The following RNF144A variants were observed in gnomAD, a reference collection of about 807,000 sequenced individuals.
RNF144A encodes ring finger protein 144A.
In RNF144A, 11 loss-of-function variants were observed where a neutral mutation model predicts 38.7. The observed-to-expected ratio is 0.28, with a 90% confidence interval of 0.18 to 0.47. RNF144A has a LOEUF of 0.47. Ranked by LOEUF, RNF144A falls within the 20% of genes least tolerant of loss-of-function variation. The pLI, the probability that RNF144A is intolerant of heterozygous loss-of-function variation, is 0.99. For synonymous variants in RNF144A, 149 were observed against 143.9 expected, an observed-to-expected ratio of 1.04 and a Z score of -0.25; for missense variants, 316 against 377.2, an observed-to-expected ratio of 0.84 and a Z score of 1.34.
chr2:7,058,278 C>A (rs968495746), intron 6 of RNF144A, among the ~76,000 whole-genome samples: 5 of 145,584 alleles, frequency 3.4e-5, no homozygotes, highest in Admixed American at 7.1e-5. Context: ...CCCCAAGCCA[C>A]GAGGGTAACA....
At chr2:7,053,598 G>A (rs2103474846) in intron 6 of RNF144A, among the ~76,000 whole-genome samples, 1 of 152,362 alleles carries the variant, frequency 6.6e-6, no homozygotes, top group East Asian at 1.9e-4. Context: ...ACAGTTCCAT[G>A]CCATGTGGGT....
At chr2:7,038,486 T>C (rs1348868290) in intron 8 of RNF144A, among the ~76,000 whole-genome samples, 1 of 152,180 alleles carries the variant, frequency 6.6e-6, no homozygotes, top group Non-Finnish European at 1.5e-5. Context: ...ACCTCTGTAT[T>C]TGCAGTGTCA....
rs77504185 is a variant in RNF144A, at chr2:6,942,250, G to A, written c.-12+1103G>A. Among the ~76,000 whole-genome samples, 586 of 152,236 alleles carry A rather than the reference G, an allele frequency of 3.8e-3. 6 individuals carry two copies. Among genetic ancestry groups the A allele is most frequent in the African/African-American group, 0.013 (538 of 41,540 alleles). On this transcript the variant is annotated intron_variant, in intron 2 of 8. Coordinates refer to ENST00000320892, the MANE Select transcript of RNF144A (RefSeq NM_014746.6). ...GGTAGAGGACAAGGCTAGAATCCAG[G>A]AGACCATCTCAGAGGACGTTAGAAA...
At chr2:7,014,205 C>T (rs183955236) in intron 3 of RNF144A, among the ~76,000 whole-genome samples, 2 of 152,274 alleles carry the variant, frequency 1.3e-5, no homozygotes, top group African/African-American at 4.8e-5. Context: ...GGTTTTGTGC[C>T]GGGATCTAAC....
chr2:6,969,371 A>G (rs967322491), intron 2 of RNF144A, among the ~76,000 whole-genome samples: 1 of 152,132 alleles, frequency 6.6e-6, no homozygotes, highest in Non-Finnish European at 1.5e-5. Flanking sequence ...ACAGAGATAC[A>G]CATAGAAGGA....
rs556168648 is a variant in RNF144A at position 7,043,754 on chromosome 2, C to G, written c.*3994C>G. On this transcript the variant is annotated 3_prime_UTR_variant, in exon 9 of 9. Transcript: ENST00000320892. ...CACCCTTCCTTTGATTTGTGCAATT[C>G]TGTCTTCCACAGTTCCGGAGCCTTC... is the stretch of plus-strand genomic sequence containing the variant. 1.0e-5 allele frequency: 10 copies of G among 985,874 alleles called. No individual in the cohort carries two copies. The African/African-American group carries it at 1.6e-4, about 15-fold the overall frequency. The allele number at this position is 985,874 out of a possible 1,614,324, so 61.1% of individuals were successfully genotyped here.
intron 2 of RNF144A, among the ~76,000 whole-genome samples, chr2:6,964,958 T>A (rs1667566163): frequency 6.6e-6 from 1 of 151,882 alleles, no homozygotes; most frequent in African/African-American, 2.4e-5. Flanking sequence ...CCCTAAAACT[T>A]AAAGTATAAT....
intron 2 of RNF144A, among the ~76,000 whole-genome samples, chr2:6,991,472 G>T (rs968536283): frequency 6.6e-6 from 1 of 152,170 alleles, no homozygotes; most frequent in African/African-American, 2.4e-5. Context: ...AAGTTGGTTT[G>T]TCTTATATCT....
chr2:6,992,353 G>A (rs1447857375), intron 2 of RNF144A, among the ~76,000 whole-genome samples: 2 of 152,236 alleles, frequency 1.3e-5, no homozygotes, highest in Non-Finnish European at 2.9e-5. Flanking sequence ...TGATGCTGGT[G>A]TTTAGAGAGC....
rs186717669 is a variant in RNF144A, at chr2:6,936,597, C to T, written c.-211-4351C>T. Among the ~76,000 whole-genome samples, 5 of 152,252 alleles carry T rather than the reference C, an allele frequency of 3.3e-5. No individual in the cohort carries two copies. The East Asian group carries it at 9.6e-4, about 29-fold the overall frequency. The stretch of plus-strand genomic sequence containing the variant: ...CAGGATCCTTTTCTATATTGATAGA[C>T]ACACACTTGGTGAAAGAAAGAAATG... On this transcript the variant is annotated intron_variant, in intron 1 of 8. Coordinates refer to ENST00000320892, the MANE Select transcript of RNF144A (RefSeq NM_014746.6).
intron 6 of RNF144A, among the ~76,000 whole-genome samples, chr2:7,051,464 G>A (rs547709241): frequency 3.9e-5 from 6 of 152,334 alleles, no homozygotes; most frequent in African/African-American, 1.4e-4. Flanking sequence ...CACGGTAGCT[G>A]CATGTAGGGG....
At chr2:6,964,932 G>A (rs573820284) in intron 2 of RNF144A, among the ~76,000 whole-genome samples, 90 of 152,018 alleles carry the variant, frequency 5.9e-4, no homozygotes, top group East Asian at 1.9e-3. Flanking sequence ...ACTAACCTGC[G>A]CATTGTGCAC....
At chr2:6,989,634 G>C (rs1366908186) in intron 2 of RNF144A, among the ~76,000 whole-genome samples, 1 of 151,992 alleles carries the variant, frequency 6.6e-6, no homozygotes, top group Non-Finnish European at 1.5e-5. Flanking sequence ...ATCACCCTTT[G>C]TAAAGTTCTG....
chr2:6,993,505 C>T (rs187335223), intron 2 of RNF144A, among the ~76,000 whole-genome samples: 5 of 152,252 alleles, frequency 3.3e-5, no homozygotes, highest in Admixed American at 2.0e-4. Flanking sequence ...GGAACAAGCA[C>T]GATGGGGCAG....
Position 7,004,926 on chromosome 2 carries a change from A to G in RNF144A, c.135+7865A>G, listed in dbSNP as rs994545140. On this transcript the variant is annotated intron_variant, in intron 3 of 8. Transcript: ENST00000320892. The stretch of plus-strand genomic sequence containing the variant: ...TAATGGCCCTCCAAAAAAAATGTTG[A>G]TGCTCACACATTACATACTTGAGTT... Among the ~76,000 whole-genome samples, 4 of 152,238 alleles carry G rather than the reference A, an allele frequency of 2.6e-5. No individual in the cohort carries two copies. In the East Asian group the frequency reaches 7.7e-4, roughly 29 times the overall value.
At chr2:6,940,254 G>T (rs962410075) in intron 1 of RNF144A, among the ~76,000 whole-genome samples, 2 of 152,084 alleles carry the variant, frequency 1.3e-5, no homozygotes, top group Non-Finnish European at 2.9e-5. Flanking sequence ...TTTTAATGAT[G>T]TTTTGGTAGT....
chr2:6,952,752 C>T (rs1250708354), intron 2 of RNF144A, among the ~76,000 whole-genome samples: 1 of 151,886 alleles, frequency 6.6e-6, no homozygotes, highest in Non-Finnish European at 1.5e-5. Context: ...TGGAGTCTTA[C>T]TATGGTATGC....
intron 3 of RNF144A, among the ~76,000 whole-genome samples, chr2:7,008,234 C>G (rs888273222): frequency 1.6e-4 from 24 of 152,244 alleles, no homozygotes; most frequent in African/African-American, 5.3e-4. Context: ...CAAAGAGCGG[C>G]CTTCCTCCTT....
intron 6 of RNF144A, among the ~76,000 whole-genome samples, chr2:7,060,040 C>G (rs1376821501): frequency 6.6e-6 from 1 of 152,170 alleles, no homozygotes; most frequent in East Asian, 1.9e-4. Flanking sequence ...TATTCCCCAT[C>G]ATGTCAGTGT....
Sources: allele counts gnomAD v4.1 joint callset (sites outside exome capture counted in the v4.1 genomes callset), GRCh38; gene constraint gnomAD v4.1.1; transcripts MANE v1.5; gene names NCBI Gene and HGNC (gene_info 2026-07-23, HGNC 2026-07-21).